The following ASPSCR1 variants were observed in gnomAD, a reference collection of about 807,000 sequenced individuals.
The protein encoded by ASPSCR1 is tether containing UBX domain for GLUT4.
A neutral mutation model predicts 68.9 loss-of-function variants in ASPSCR1; 55 were observed. The observed-to-expected ratio is 0.80, with a 90% CI of 0.64 to 1.00. ASPSCR1 has a LOEUF of 1.00. Ranked by LOEUF, ASPSCR1 falls within the 50% of genes least tolerant of loss-of-function variation. The probability of loss-of-function intolerance (pLI) is 0.00; values close to 1 mark genes in which losing one functional copy is unlikely to be tolerated. For missense variants in ASPSCR1, 765 were observed against 762.2 expected, an observed-to-expected ratio of 1.00 and a Z score of -0.04; for synonymous variants, 352 against 332.6, an observed-to-expected ratio of 1.06 and a Z score of -0.63.
chr17:82,006,398 C>T (rs1215591660), intron 7 of ASPSCR1: 1 of 152,200 alleles, frequency 6.6e-6, no homozygotes, highest in African/African-American at 2.4e-5. Flanking sequence ...TGCATGTTTG[C>T]CCCAGAGCGG....
intron 4 of ASPSCR1, among the ~76,000 whole-genome samples, chr17:81,994,521 C>T (rs1316477922): frequency 1.3e-5 from 2 of 152,186 alleles, no homozygotes; most frequent in Middle Eastern, 3.2e-3. Context: ...TGGGCCCTGC[C>T]GGCAGCTCCA....
At position 81,986,742 on chromosome 17, in the gene ASPSCR1, C is replaced by T. The variant is rs889481983; in HGVS notation, c.374+1135C>T. ...TAGGGCCTGTGGGAAGGTGACCGCG[C>T]GTCGGGCGCTGGGAAGGTGACTGTG... On this transcript the variant is annotated intron_variant, in intron 4 of 15. Transcript: ENST00000306739. This position sits in a 1 kb window ranked among gnomAD's most constrained non-coding sequence, Gnocchi z 5.2. 3.9e-5 allele frequency among the ~76,000 whole-genome samples: 6 copies of T among 152,220 alleles called. No homozygotes were observed. Among genetic ancestry groups the T allele is most frequent in the African/African-American group, 1.2e-4 (5 of 41,460 alleles).
At chr17:82,001,486 C>T (rs2042529446) in intron 7 of ASPSCR1, among the ~76,000 whole-genome samples, 4 of 152,188 alleles carry the variant, frequency 2.6e-5, no homozygotes, top group African/African-American at 9.7e-5. Context: ...CCAAGCGTGG[C>T]TGGCAGATGG....
At position 81,986,092 on chromosome 17, in the gene ASPSCR1, C is replaced by T. The variant is rs2041984896; in HGVS notation, c.374+485C>T. On this transcript the variant is annotated intron_variant, in intron 4 of 15. Coordinates refer to ENST00000306739, the MANE Select transcript of ASPSCR1 (RefSeq NM_024083.4). This position sits in a 1 kb window ranked among gnomAD's most constrained non-coding sequence, Gnocchi z 5.2. The stretch of plus-strand genomic sequence containing the variant: ...GCGTTGAGATTACAGGTGTGAGCTC[C>T]TGTGCCCCACCAGAAAATCTTCCTA... Among the ~76,000 whole-genome samples, 1 of 152,116 alleles carries T rather than the reference C, an allele frequency of 6.6e-6. No individual in the cohort carries two copies. The highest frequency in any genetic ancestry group is 6.5e-5 in the Admixed American group (1 of 15,276).
intron 12 of ASPSCR1, chr17:82,013,477 A>ACGTG (rs928971598): frequency 2.6e-5 from 4 of 151,078 alleles, no homozygotes; most frequent in Admixed American, 2.6e-4. Flanking sequence ...GTCCCCGGTG[A>ACGTG]CGTGCCTGCC....
At chr17:82,006,427 C>CGAGCGGAAGGAAAGT (rs1462534672) in intron 7 of ASPSCR1, 1 of 152,164 alleles carries the variant, frequency 6.6e-6, no homozygotes, top group Non-Finnish European at 1.5e-5. Flanking sequence ...TGAATGCAGC[C>CGAGCGGAAGGAAAGT]GAATGATCAC....
At chr17:81,979,347 T>C in intron 2 of ASPSCR1, 108 bp downstream of exon 2, 2 of 1,256,574 alleles carry the variant, frequency 1.6e-6, no homozygotes, top group African/African-American at 1.5e-5. Flanking sequence ...TAAACAGTCA[T>C]ATATTCCCTC....
chr17:82,009,659 C>T, intron 9 of ASPSCR1, 92 bp downstream of exon 9: 1 of 962,222 alleles, frequency 1.0e-6, no homozygotes, highest in Non-Finnish European at 1.5e-6. Context: ...TGAGGCACAG[C>T]TCTGAGCGGG....
At chr17:82,013,201 C>A (rs966941308) in intron 12 of ASPSCR1, 1 of 152,234 alleles carries the variant, frequency 6.6e-6, no homozygotes, top group Non-Finnish European at 1.5e-5. Context: ...TCTCAGCCCC[C>A]GAGCTGCCGG....
chr17:81,995,204 C>T (rs2042297021), intron 5 of ASPSCR1: 7 of 456,602 alleles, frequency 1.5e-5, no homozygotes, highest in Admixed American at 3.9e-5. Flanking sequence ...CAAAGCCCGC[C>T]GTGGCGGGAC....
intron 5 of ASPSCR1, chr17:81,995,302 C>G: frequency 1.3e-4 from 32 of 243,910 alleles, no homozygotes; most frequent in Non-Finnish European, 1.6e-4. Context: ...GGCACTGGCC[C>G]GGAGGGGCCC....
intron 11 of ASPSCR1, 66 bp from the exon 12 acceptor site, chr17:82,012,164 TC>T (rs780449927): frequency 6.5e-7 from 1 of 1,547,964 alleles, no homozygotes. Context: ...AGGCCTGTCT[TC>T]CTTCGGGCGC....
At position 81,983,275 on chromosome 17, in the gene ASPSCR1, A is replaced by G. The variant is rs1313538135; in HGVS notation, c.159-279A>G. On this transcript the variant is annotated intron_variant, in intron 2 of 15. Coordinates refer to ENST00000306739, the MANE Select transcript of ASPSCR1 (RefSeq NM_024083.4). The surrounding 1 kb of genome is among the most constrained non-coding windows in gnomAD (Gnocchi z 4.4). Reference sequence around the variant, plus strand: ...TCCGAGCGTCTGCACTGGGGCTGTCAGCACCCCAGACTCTGAAGGAGCAGC... The same window carrying G: ...TCCGAGCGTCTGCACTGGGGCTGTCGGCACCCCAGACTCTGAAGGAGCAGC... Among the ~76,000 whole-genome samples the G allele has an allele frequency of 6.6e-6, 1 of 152,216 alleles. No individual in the cohort carries two copies. The highest frequency in any genetic ancestry group is 2.1e-4 in the South Asian group (1 of 4,820).
chr17:82,013,670 G>T (rs879814474), intron 12 of ASPSCR1: 1 of 152,416 alleles, frequency 6.6e-6, no homozygotes, highest in Non-Finnish European at 1.5e-5. Flanking sequence ...GACAGCGTGC[G>T]TGGGTGTGGG....
chr17:82,011,698 G>T (rs927388499), intron 11 of ASPSCR1, 93 bp downstream of exon 11: 2 of 1,411,834 alleles, frequency 1.4e-6, no homozygotes, highest in Non-Finnish European at 1.9e-6. Context: ...GCTCGTGGCA[G>T]CTTCTCCACA....
At chr17:81,995,602 G>A (rs139974101) in intron 5 of ASPSCR1, 71 of 401,932 alleles carry the variant, frequency 1.8e-4, no homozygotes, top group Non-Finnish European at 2.7e-4. Context: ...TGCCCACCCC[G>A]AGCTGAGCAC....
chr17:81,984,931 C>CCACACCCGCA (rs1235338062), intron 3 of ASPSCR1, among the ~76,000 whole-genome samples: 1 of 122,346 alleles, frequency 8.2e-6, no homozygotes, highest in Non-Finnish European at 1.7e-5. Context: ...GCACACACCC[C>CCACACCCGCA]CACACCCGCA....
Position 82,016,489 on chromosome 17 carries a change from C to CG in ASPSCR1, c.1369dup (p.Ala457GlyfsTer52). 1 of 1,548,816 alleles carries CG rather than the reference C, an allele frequency of 6.5e-7. No individual in the cohort carries two copies. Among genetic ancestry groups the CG allele is most frequent in the Non-Finnish European group, 8.7e-7 (1 of 1,147,136 alleles). ...CCCTCCCTGCAGGCGAACCTCTTCC[C>CG]GGCCGCTCTGGTGCACTTGGGAGCC... On this transcript the variant is annotated frameshift_variant, in exon 13 of 16. Coordinates refer to ENST00000306739, the MANE Select transcript of ASPSCR1 (RefSeq NM_024083.4). LOFTEE classifies it high-confidence loss of function.
At chr17:81,995,309 G>C in intron 5 of ASPSCR1, 1 of 339,980 alleles carries the variant, frequency 2.9e-6, no homozygotes, top group Non-Finnish European at 5.3e-6. Context: ...GCCCGGAGGG[G>C]CCCTGGGGGG....
Sources: gnomAD v4.1 joint callset for allele counts (sites outside exome capture counted in the v4.1 genomes callset) on GRCh38, gnomAD v4.1.1 for gene constraint, Gnocchi (gnomAD v3.1) non-coding constraint, MANE v1.5 for transcripts, NCBI Gene and HGNC (gene_info 2026-07-23, HGNC 2026-07-21) for gene names.